NBAS: variants seen among roughly 807,000 people sequenced by gnomAD.
NBAS encodes the protein NAG/BC035112 fusion.
In NBAS, 219 loss-of-function variants were observed where a neutral mutation model predicts 302.5. That is an observed-to-expected ratio of 0.72 (90% CI 0.65 to 0.81). The LOEUF is 0.81. Among genes scored for constraint, NBAS ranks in the 30% least tolerant of loss-of-function variants. The pLI is 0.00. For missense variants in NBAS, 2,932 were observed against 2,841.6 expected, an observed-to-expected ratio of 1.03 and a Z score of -0.72; for synonymous variants, 1,118 against 1,021.6, an observed-to-expected ratio of 1.09 and a Z score of -1.80.
intron 28 of NBAS, chr2:15,393,542 G>A (rs1490717984): frequency 2.6e-6 from 1 of 381,536 alleles, no homozygotes; most frequent in Non-Finnish European, 5.3e-6. Flanking sequence ...CAGTTTGGCA[G>A]TTTTTGAAAG....
At chr2:15,529,266 G>A (rs968940875) in intron 9 of NBAS, among the ~76,000 whole-genome samples, 10 of 152,104 alleles carry the variant, frequency 6.6e-5, no homozygotes, top group African/African-American at 2.2e-4. Context: ...TTGGGAGGCT[G>A]AGGCAGGTAG....
At chr2:14,964,535 T>C in the NBAS span, among the ~76,000 whole-genome samples, 4 of 152,088 alleles carry the variant, frequency 2.6e-5, no homozygotes, top group African/African-American at 9.7e-5. Flanking sequence ...ATAATCAAAA[T>C]ACATGAGGGA....
the NBAS span, among the ~76,000 whole-genome samples, chr2:15,116,731 C>A: frequency 6.6e-6 from 1 of 152,110 alleles, no homozygotes; most frequent in African/African-American, 2.4e-5. Context: ...AACGTCTCAG[C>A]AAAAGTAAGT....
intron 11 of NBAS, among the ~76,000 whole-genome samples, chr2:15,502,273 A>G (rs1177167490): frequency 6.6e-6 from 1 of 152,230 alleles, no homozygotes; most frequent in Admixed American, 6.5e-5. Context: ...TCCTGTGAAA[A>G]TACTTGTCAA....
At chr2:15,297,936 C>T (rs748428415) in intron 40 of NBAS, among the ~76,000 whole-genome samples, 2 of 152,052 alleles carry the variant, frequency 1.3e-5, no homozygotes, top group South Asian at 2.1e-4. Flanking sequence ...CTATTTGAGC[C>T]GCTTGCTTTT....
the NBAS span, among the ~76,000 whole-genome samples, chr2:14,993,109 C>T: frequency 0.11 from 17,404 of 152,140 alleles, 1,092 homozygotes; most frequent in Middle Eastern, 0.2. Flanking sequence ...ATTTATTGAG[C>T]GTCTCCTATG....
At chr2:15,529,177 G>A (rs1663097959) in intron 9 of NBAS, among the ~76,000 whole-genome samples, 1 of 151,950 alleles carries the variant, frequency 6.6e-6, no homozygotes. Context: ...ATGTGCTGAG[G>A]AAGTGAGGTA....
the NBAS span, among the ~76,000 whole-genome samples, chr2:14,845,757 C>T: frequency 6.6e-6 from 1 of 151,998 alleles, no homozygotes; most frequent in African/African-American, 2.4e-5. Flanking sequence ...TTAGAACATA[C>T]AATTCACAGG....
chr2:14,795,886 A>G, the NBAS span, among the ~76,000 whole-genome samples: 1 of 152,226 alleles, frequency 6.6e-6, no homozygotes, highest in Non-Finnish European at 1.5e-5. Context: ...TGCCCCTGAT[A>G]TTGAACCACT....
At chr2:15,066,137 C>T in the NBAS span, among the ~76,000 whole-genome samples, 1 of 152,070 alleles carries the variant, frequency 6.6e-6, no homozygotes, top group South Asian at 2.1e-4. Context: ...GAGGAAAGGA[C>T]AATCTCTTCA....
chr2:15,489,078 C>A, intron 11 of NBAS, 56 bp from the exon 12 acceptor site: 1 of 1,591,992 alleles, frequency 6.3e-7, no homozygotes, highest in South Asian at 1.1e-5. Context: ...GTAAATAACT[C>A]AGAAGTAAAT....
At chr2:14,989,513 G>T in the NBAS span, among the ~76,000 whole-genome samples, 11 of 151,894 alleles carry the variant, frequency 7.2e-5, no homozygotes, top group Middle Eastern at 3.4e-3. Context: ...AGCTGAGATC[G>T]CAGCACTGCA....
intron 10 of NBAS, 33 bp from the exon 11 acceptor site, chr2:15,504,246 T>G: frequency 2.4e-5 from 35 of 1,457,404 alleles, no homozygotes; most frequent in Non-Finnish European, 3.3e-5. Context: ...GAAGAAAGAT[T>G]ACTGAAATGA....
At chr2:15,241,424 ATTGTTG>A (rs1286935517) in intron 44 of NBAS, among the ~76,000 whole-genome samples, 1 of 152,200 alleles carries the variant, frequency 6.6e-6, no homozygotes, top group African/African-American at 2.4e-5. Context: ...AGATGAGATC[ATTGTTG>A]TCCAAGTCTT....
At chr2:15,078,071 A>G in the NBAS span, among the ~76,000 whole-genome samples, 1 of 152,164 alleles carries the variant, frequency 6.6e-6, no homozygotes. Flanking sequence ...GAGAAAAGGC[A>G]TTTTGGATGT....
rs1211905498 is a variant in NBAS at position 15,330,750 on chromosome 2, G to C, written c.4195C>G (p.Pro1399Ala). 2.2e-5 allele frequency: 35 copies of C among 1,613,786 alleles called. No homozygotes were observed. The highest frequency in any genetic ancestry group is 2.9e-5 in the Non-Finnish European group (34 of 1,179,906). The change falls in exon 36 of 52, where the codon CCA becomes GCA. Residue 1399 changes from proline (P) to alanine (A), a missense_variant. Physicochemically the swap from Pro to Ala is conservative, Grantham distance 27. Transcript: ENST00000281513. ...KAVQEDEVGVPGSNSADLLRW... is the reference protein window; with the variant it reads ...KAVQEDEVGVAGSNSADLLRW... ...AATAGGTCAGCTGAATTGCTACCTGGAACACCTACTTCATCCTGTATTAAA... is the reference window on the plus strand; with the variant it reads ...AATAGGTCAGCTGAATTGCTACCTGCAACACCTACTTCATCCTGTATTAAA...
At chr2:15,083,224 G>C in the NBAS span, among the ~76,000 whole-genome samples, 2 of 152,282 alleles carry the variant, frequency 1.3e-5, no homozygotes, top group East Asian at 3.9e-4. Flanking sequence ...CATTATCCTG[G>C]AGCTGAGCTG....
chr2:15,537,467 T>C (rs561833775), intron 7 of NBAS, among the ~76,000 whole-genome samples: 1 of 152,308 alleles, frequency 6.6e-6, no homozygotes, highest in South Asian at 2.1e-4. Flanking sequence ...TCTCAACAAT[T>C]TATATCCCTC....
chr2:15,243,594 T>G (rs1667957755), intron 44 of NBAS, among the ~76,000 whole-genome samples: 1 of 151,418 alleles, frequency 6.6e-6, no homozygotes, highest in African/African-American at 2.4e-5. Flanking sequence ...AAAAAAAGAT[T>G]AGAAAAATAC....
Sources: gnomAD v4.1 joint callset for allele counts (sites outside exome capture counted in the v4.1 genomes callset) on GRCh38, gnomAD v4.1.1 for gene constraint, MANE v1.5 for transcripts, NCBI Gene and HGNC (gene_info 2026-07-23, HGNC 2026-07-21) for gene names.